Variants in DACH1 observed in about 807,000 individuals in gnomAD.
DACH1 encodes the protein dachshund homolog 1.
DACH1 carries 12 observed loss-of-function variants against 54.2 expected under a neutral mutation model. The observed-to-expected ratio is 0.22, with a 90% CI of 0.14 to 0.36. The LOEUF is 0.36. Among genes scored for constraint, DACH1 ranks in the 10% least tolerant of loss-of-function variants. The pLI is 1.00. For synonymous variants in DACH1, 386 were observed against 366.2 expected (o/e 1.05, Z -0.62); for missense variants, 805 against 929.8 (o/e 0.87, Z 1.75).
chr13:71,733,727 T>C (rs771213583), intron 1 of DACH1, among the ~76,000 whole-genome samples: 8 of 152,288 alleles, frequency 5.3e-5, no homozygotes, highest in South Asian at 2.1e-4. Flanking sequence ...ATTTTATTAA[T>C]GACAGTAGCA....
chr13:71,494,356 C>G lies in DACH1; in HGVS notation c.1571-5208G>C, dbSNP rs557882927. Among the ~76,000 whole-genome samples the G allele has an allele frequency of 4.0e-5, 6 of 151,748 alleles. No individual in the cohort carries two copies. The South Asian group carries it at 1.2e-3, about 32-fold the overall frequency. ...GTATAAAACCATTGCAATTTTGATA[C>G]TTTGAGTTTTGAATTTTGACTTTTT... On this transcript the variant is annotated intron_variant, in intron 6 of 10. Coordinates refer to ENST00000613252, the MANE Select transcript of DACH1 (RefSeq NM_080759.6).
intron 6 of DACH1, among the ~76,000 whole-genome samples, chr13:71,537,793 T>C (rs541972441): frequency 2.6e-5 from 4 of 152,286 alleles, no homozygotes; most frequent in African/African-American, 9.6e-5. Context: ...TATTTCCAAT[T>C]ATCTAGTTGG....
chr13:71,622,570 G>A (rs1566385503), intron 3 of DACH1, among the ~76,000 whole-genome samples: 1 of 151,742 alleles, frequency 6.6e-6, no homozygotes, highest in African/African-American at 2.4e-5. Context: ...GAAATATGTG[G>A]TTTCTTTTTA....
chr13:71,818,257 A>G (rs1888044662), intron 1 of DACH1, among the ~76,000 whole-genome samples: 2 of 152,198 alleles, frequency 1.3e-5, no homozygotes, highest in South Asian at 4.1e-4. Flanking sequence ...ATTAGGGAAA[A>G]CAGGGTGGCC....
intron 3 of DACH1, among the ~76,000 whole-genome samples, chr13:71,623,764 T>G (rs1381651985): frequency 6.6e-6 from 1 of 151,858 alleles, no homozygotes. Context: ...ATCTAAGTAG[T>G]TAAGTTATTT....
intron 1 of DACH1, among the ~76,000 whole-genome samples, chr13:71,834,745 C>A (rs955422399): frequency 1.3e-5 from 2 of 151,954 alleles, no homozygotes; most frequent in Non-Finnish European, 2.9e-5. Context: ...AAAATTGGGA[C>A]TTTAATACGA....
chr13:71,799,080 C>T (rs951300064), intron 1 of DACH1, among the ~76,000 whole-genome samples: 3 of 152,066 alleles, frequency 2.0e-5, no homozygotes, highest in African/African-American at 2.4e-5. Flanking sequence ...TTTATAAAAG[C>T]CTTGAATGCC....
Position 71,476,402 on chromosome 13 carries a change from GA to G in DACH1, c.1871-554del, listed in dbSNP as rs529794659. ...TGTAATAAATATTTTTTGTACACTA[GA>G]AAAAATACTTTTAATTATTGTTAAT... On this transcript the variant is annotated intron_variant, in intron 8 of 10. Transcript: ENST00000613252. Among the ~76,000 whole-genome samples, 370 of 152,072 alleles carry G rather than the reference GA, an allele frequency of 2.4e-3. 2 individuals are homozygous for G. The highest frequency in any genetic ancestry group is 3.8e-3 in the Non-Finnish European group (258 of 67,970).
intron 1 of DACH1, among the ~76,000 whole-genome samples, chr13:71,827,717 T>C (rs974803704): frequency 1.3e-5 from 2 of 152,010 alleles, no homozygotes; most frequent in Non-Finnish European, 2.9e-5. Context: ...TCACTAATAA[T>C]AAAACTTCAG....
intron 7 of DACH1, among the ~76,000 whole-genome samples, chr13:71,487,017 T>C (rs1878587903): frequency 6.6e-6 from 1 of 151,990 alleles, no homozygotes; most frequent in African/African-American, 2.4e-5. Flanking sequence ...GCTAATTTTT[T>C]GTATTTTTTT....
chr13:71,678,250 T>C (rs1246526210), intron 2 of DACH1, among the ~76,000 whole-genome samples: 10 of 152,174 alleles, frequency 6.6e-5, no homozygotes, highest in African/African-American at 2.4e-4. Context: ...GAGAAAGATG[T>C]TATATACTTC....
At chr13:71,509,976 T>A (rs1880646049) in intron 6 of DACH1, among the ~76,000 whole-genome samples, 1 of 152,110 alleles carries the variant, frequency 6.6e-6, no homozygotes, top group South Asian at 2.1e-4. Flanking sequence ...ACTACTTTTA[T>A]CAAAGTTAAC....
chr13:71,486,800 TTATTTATTTATTTATCTATC>T (rs1566289812), intron 7 of DACH1, among the ~76,000 whole-genome samples: 9 of 20,784 alleles, frequency 4.3e-4, no homozygotes, highest in Admixed American at 1.7e-3. Context: ...ATTAATTAAT[TTATTTATTTATTTATCTATC>T]TATCTATCTA....
intron 6 of DACH1, among the ~76,000 whole-genome samples, chr13:71,549,072 A>G (rs970392870): frequency 3.3e-5 from 5 of 152,172 alleles, no homozygotes; most frequent in African/African-American, 1.2e-4. Flanking sequence ...CAAAACTGAA[A>G]GAAATCTACT....
At chr13:71,443,047 A>T (rs926756521) in intron 10 of DACH1, among the ~76,000 whole-genome samples, 2 of 148,426 alleles carry the variant, frequency 1.3e-5, no homozygotes, top group African/African-American at 4.9e-5. Context: ...ATATTGAATT[A>T]TATATATAAT....
At chr13:71,538,228 A>G (rs930163160) in intron 6 of DACH1, among the ~76,000 whole-genome samples, 3 of 152,092 alleles carry the variant, frequency 2.0e-5, no homozygotes, top group Non-Finnish European at 2.9e-5. Context: ...AATTACTTCA[A>G]TCATAGAATG....
At chr13:71,770,581 A>C (rs1042780252) in intron 1 of DACH1, among the ~76,000 whole-genome samples, 7 of 151,696 alleles carry the variant, frequency 4.6e-5, no homozygotes, top group Non-Finnish European at 3.0e-5. Flanking sequence ...ATGCTCTTGT[A>C]ACAAATTAAA....
intron 6 of DACH1, among the ~76,000 whole-genome samples, chr13:71,528,703 G>A (rs931122680): frequency 6.6e-6 from 1 of 152,070 alleles, no homozygotes; most frequent in East Asian, 1.9e-4. Flanking sequence ...TTTAACATCA[G>A]TTTCCCTTCA....
intron 4 of DACH1, among the ~76,000 whole-genome samples, 186 bp from the exon 5 acceptor site, chr13:71,560,141 T>C (rs1426674538): frequency 6.6e-6 from 1 of 152,176 alleles, no homozygotes; most frequent in African/African-American, 2.4e-5. Flanking sequence ...TAGAAAAAGA[T>C]GGTCTATGAA....
Sources: allele counts gnomAD v4.1 joint callset (sites outside exome capture counted in the v4.1 genomes callset), GRCh38; gene constraint gnomAD v4.1.1; transcripts MANE v1.5; gene names NCBI Gene and HGNC (gene_info 2026-07-23, HGNC 2026-07-21).